Variants in FASN observed in about 807,000 individuals in gnomAD.
FASN encodes fatty acid synthase.
FASN carries 50 observed loss-of-function variants against 250.0 expected under a neutral mutation model. The ratio of observed to expected loss-of-function variants is 0.20; its 90% confidence interval spans 0.16 to 0.25. FASN has a LOEUF of 0.25. Ranked by LOEUF, FASN falls within the 10% of genes least tolerant of loss-of-function variation. The probability of loss-of-function intolerance (pLI) is 1.00; values close to 1 mark genes in which losing one functional copy is unlikely to be tolerated. For missense variants in FASN, 3,031 were observed against 3,498.5 expected, an observed-to-expected ratio of 0.87 and a Z score of 3.37; for synonymous variants, 1,909 against 1,584.0, an observed-to-expected ratio of 1.21 and a Z score of -4.87.
chr17:82,084,690 C>T lies in FASN; in HGVS notation c.4591G>A (p.Ala1531Thr), dbSNP rs369498235. 1 of 1,573,930 alleles carries T rather than the reference C, an allele frequency of 6.4e-7. No homozygotes were observed. Among genetic ancestry groups the T allele is most frequent in the South Asian group, 1.2e-5 (1 of 86,392 alleles). The change falls in exon 27 of 43, where the codon GCC becomes ACC. Residue 1531 changes from alanine to threonine, a missense_variant. Ala to Thr is a moderately conservative substitution (Grantham distance 58). Transcript: ENST00000306749. ...CCCCGGGTGAGGGTGCTCACAAAGG[C>T]ATGTGCCGTCGGCTCCTCAGGCTTG... The part of the protein sequence containing the change: ...EDKPEEPTAH[A>T]FVSTLTRGDL...
At position 82,085,290 on chromosome 17, in the gene FASN, G is replaced by A. The variant is rs1174469156; in HGVS notation, c.4235C>T (p.Pro1412Leu). The A allele has an allele frequency of 6.2e-7, 1 of 1,611,472 alleles. No individual in the cohort carries two copies. Among genetic ancestry groups the A allele is most frequent in the Non-Finnish European group, 8.5e-7 (1 of 1,179,514 alleles). Residue 1412 changes from proline (P) to leucine (L), a missense_variant, in exon 24 of 43, where the codon CCC becomes CTC. Physicochemically the swap from Pro to Leu is moderately conservative, Grantham distance 98 (BLOSUM62 -3). Coordinates refer to ENST00000306749, the MANE Select transcript of FASN (RefSeq NM_004104.5). ...LCRRPTPQDS[P>L]IFLPVDDTSF... ...GGTATCGTCCACCGGCAGGAAGATG[G>A]GGCTGTCCTGCGGGGTGGGCCGGCG...
Position 82,091,456 on chromosome 17 carries a change from G to C in FASN, c.1258C>G (p.Leu420Val). 6.2e-7 allele frequency: 1 copy of C among 1,607,504 alleles called. No individual in the cohort carries two copies. The highest frequency in any genetic ancestry group is 2.2e-5 in the East Asian group (1 of 44,652). ...CCGCTGGCCCGCAGCAGACGGGGCAGGGTGGCATGTGGGGCGGGTGCGGGG... is the reference window on the plus strand; with the variant it reads ...CCGCTGGCCCGCAGCAGACGGGGCACGGTGGCATGTGGGGCGGGTGCGGGG... ...PPPAPAPHAT[L>V]PRLLRASGRT... is the part of the protein sequence containing the mutation. Residue 420 changes from leucine to valine, a missense_variant, in exon 9 of 43, where the codon CTG becomes GTG. By Grantham distance (32) the Leu-to-Val change is conservative. Coordinates refer to ENST00000306749, the MANE Select transcript of FASN (RefSeq NM_004104.5).
chr17:82,084,631 C>T lies in FASN; in HGVS notation c.4650G>A (p.Ser1550=), dbSNP rs779703690. 2.2e-5 allele frequency: 35 copies of T among 1,603,012 alleles called. No homozygotes were observed. The highest frequency in any genetic ancestry group is 1.6e-4 in the East Asian group (7 of 44,518). ...DLSSIRWVCS[S]LRHAQPTCPG... Reference sequence around the variant, plus strand: ...GGCAGGTGGGCTGGGCATGGCGCAGCGAGGAGCAGACCCAGCGGATGGAGG... The same window carrying T: ...GGCAGGTGGGCTGGGCATGGCGCAGTGAGGAGCAGACCCAGCGGATGGAGG... Residue 1550 remains serine, a synonymous_variant, in exon 27 of 43, where the codon TCG becomes TCA. Coordinates refer to ENST00000306749, the MANE Select transcript of FASN (RefSeq NM_004104.5).
Position 82,081,593 on chromosome 17 carries a change from G to A in FASN, c.6406+8C>T, listed in dbSNP as rs1288173687. 5.6e-6 allele frequency: 9 copies of A among 1,611,990 alleles called. No individual in the cohort carries two copies. In the African/African-American group the frequency reaches 6.7e-5, roughly 12 times the overall value. ...ACACCTGGCGCGGCTCCTACTGGGAGTGCTCACCCAGGATGTGTGCCACGG... is the reference window on the plus strand; with the variant it reads ...ACACCTGGCGCGGCTCCTACTGGGAATGCTCACCCAGGATGTGTGCCACGG... On this transcript the variant is annotated splice_region_variant and intron_variant, in intron 37 of 42. Transcript: ENST00000306749.
intron 18 of FASN, 46 bp downstream of exon 18, chr17:82,087,908 C>T (rs765623470): frequency 6.2e-7 from 1 of 1,612,256 alleles, no homozygotes; most frequent in Non-Finnish European, 8.5e-7. Flanking sequence ...GCGGCATGGC[C>T]AGCGGGCACA....
intron 38 of FASN, 51 bp downstream of exon 38, chr17:82,081,113 A>AGG (rs2033979431): frequency 6.5e-7 from 1 of 1,532,858 alleles, no homozygotes. Flanking sequence ...ACAAGGAGGA[A>AGG]GGGCTGGGGA....
chr17:82,094,434 C>A (rs1413211320), intron 3 of FASN, among the ~76,000 whole-genome samples: 1 of 151,744 alleles, frequency 6.6e-6, no homozygotes, highest in Non-Finnish European at 1.5e-5. Flanking sequence ...CCAAGGGCAG[C>A]CCAGGGCTCA....
At chr17:82,096,171 C>T in intron 2 of FASN, 148 bp downstream of exon 2, 2 of 1,300,672 alleles carry the variant, frequency 1.5e-6, no homozygotes, top group Non-Finnish European at 2.2e-6. Context: ...AGGCCTCGCC[C>T]ATGGGTGACC....
Position 82,089,644 on chromosome 17 carries a change from G to T in FASN, c.1953C>A (p.Ile651=), listed in dbSNP as rs1363394702. 4 of 1,602,482 alleles carry T rather than the reference G, an allele frequency of 2.5e-6. No homozygotes were observed. ...CCGCAGCACCCACCTGAGGTCCCGA[G>T]ATGGTGACTGTGTCCTTGGAGTTGT... ...ACHNSKDTVT[I]SGPQAPVFEF... The change falls in exon 12 of 43, where the codon ATC becomes ATA. Residue 651 remains isoleucine, a synonymous_variant. Transcript: ENST00000306749.
intron 42 of FASN, 27 bp from the exon 43 acceptor site, chr17:82,079,307 C>A (rs1048551443): frequency 1.9e-6 from 3 of 1,612,908 alleles, no homozygotes; most frequent in Non-Finnish European, 2.5e-6. Context: ...CAGCTGCCGT[C>A]CCACCCCACT....
In FASN at chr17:82,090,947, G is replaced by A; in HGVS notation, c.1615C>T (p.Leu539=). The A allele has an allele frequency of 6.2e-7, 1 of 1,612,754 alleles. No homozygotes were observed. ...PFGLKVSQLL[L]STDESTFDDI... is the part of the protein sequence containing the mutation. Reference sequence around the variant, plus strand: ...TCAAAGGTGCTCTCGTCTGTGCTCAGCAGCAGCTGTGACACCTTCAGGCCG... The same window carrying A: ...TCAAAGGTGCTCTCGTCTGTGCTCAACAGCAGCTGTGACACCTTCAGGCCG... The change falls in exon 10 of 43, where the codon CTG becomes TTG. Residue 539 remains leucine (L), a synonymous_variant. Coordinates refer to ENST00000306749, the MANE Select transcript of FASN (RefSeq NM_004104.5).
intron 41 of FASN, 194 bp from the exon 42 acceptor site, chr17:82,079,802 C>T (rs1451386012): frequency 1.3e-6 from 1 of 765,116 alleles, no homozygotes; most frequent in Non-Finnish European, 2.1e-6. Context: ...TCCGCAACCT[C>T]CACCTACCCG....
At chr17:82,091,800 G>A (rs547354540) in intron 8 of FASN, 116 bp from the exon 9 acceptor site, 5 of 940,948 alleles carry the variant, frequency 5.3e-6, no homozygotes, top group East Asian at 2.6e-5. Context: ...GGCCCTCTCC[G>A]ATGCACTTCC....
At position 82,083,837 on chromosome 17, in the gene FASN, G is replaced by A. The variant is rs757842815; in HGVS notation, c.5153C>T (p.Thr1718Ile). 4.5e-5 allele frequency: 72 copies of A among 1,601,658 alleles called. No individual in the cohort carries two copies. Among genetic ancestry groups the A allele is most frequent in the Non-Finnish European group, 5.8e-5 (68 of 1,175,306 alleles). ...LQARFPQLDSTSFANSRDTSF... is the reference protein window; with the variant it reads ...LQARFPQLDSISFANSRDTSF... Reference sequence around the variant, plus strand: ...TGTGTCCCGGGAGTTGGCGAAGCTGGTGCTGTCGAGCTGGGGGAACCTGGC... The same window carrying A: ...TGTGTCCCGGGAGTTGGCGAAGCTGATGCTGTCGAGCTGGGGGAACCTGGC... The change falls in exon 30 of 43, where the codon ACC (threonine) becomes ATC (isoleucine). Residue 1718 changes from threonine to isoleucine, a missense_variant. By Grantham distance (89) the Thr-to-Ile change is moderately conservative. Transcript: ENST00000306749.
In FASN at chr17:82,091,242, G is replaced by A. The variant is rs769395951; in HGVS notation, c.1472C>T (p.Pro491Leu). 2.4e-5 allele frequency: 39 copies of A among 1,600,344 alleles called. No homozygotes were observed. Among genetic ancestry groups the A allele is most frequent in the African/African-American group, 4.0e-5 (3 of 74,778 alleles). ...CTCACCAGAGCAGATGAACCAGAGCGGGCGCTCGCCAGCGGGCACCTGCTG... is the reference window on the plus strand; with the variant it reads ...CTCACCAGAGCAGATGAACCAGAGCAGGCGCTCGCCAGCGGGCACCTGCTG... ...EVQQVPAGER[P>L]LWFICSGMGT... is the part of the protein sequence containing the mutation. Residue 491 changes from proline (P) to leucine (L), a missense_variant, in exon 9 of 43, where the codon CCG (proline) becomes CTG (leucine). By Grantham distance (98) the Pro-to-Leu change is moderately conservative (BLOSUM62 -3). Coordinates refer to ENST00000306749, the MANE Select transcript of FASN (RefSeq NM_004104.5).
Position 82,095,458 on chromosome 17 carries a change from G to A in FASN, c.142C>T (p.Pro48Ser). 1 of 1,612,464 alleles carries A rather than the reference G, an allele frequency of 6.2e-7. No individual in the cohort carries two copies. The highest frequency in any genetic ancestry group is 8.5e-7 in the Non-Finnish European group (1 of 1,179,994). ...TCCTTCAGCTTGCCGGACCGCCGGGGCAGGCCGTAGAGCCCTGTGGGACAG... is the reference window on the plus strand; with the variant it reads ...TCCTTCAGCTTGCCGGACCGCCGGGACAGGCCGTAGAGCCCTGTGGGACAG... ...RRWKAGLYGL[P>S]RRSGKLKDLS... The change falls in exon 3 of 43, where the codon CCC (proline) becomes TCC (serine). Residue 48 changes from proline (P) to serine (S), a missense_variant. Pro to Ser is a moderately conservative substitution (Grantham distance 74). Transcript: ENST00000306749.
At chr17:82,089,956 G>A (rs1048977274) in intron 11 of FASN, among the ~76,000 whole-genome samples, 1 of 152,206 alleles carries the variant, frequency 6.6e-6, no homozygotes, top group African/African-American at 2.4e-5. Flanking sequence ...TCCCCAGATG[G>A]TGGCCCCCTC....
In FASN at chr17:82,090,992, C is replaced by T. The variant is rs147394389; in HGVS notation, c.1570G>A (p.Asp524Asn). 3.1e-5 allele frequency: 50 copies of T among 1,612,896 alleles called. No individual in the cohort carries two copies. Among genetic ancestry groups the T allele is most frequent in the African/African-American group, 9.3e-5 (7 of 75,052 alleles). The change falls in exon 10 of 43, where the codon GAT becomes AAT. Residue 524 changes from aspartate to asparagine, a missense_variant. Physicochemically the swap from Asp to Asn is conservative, Grantham distance 23. Transcript: ENST00000306749. ...DRFRDSILRS[D>N]EAVKPFGLKV... ...AGGCCGAATGGCTTCACAGCCTCAT[C>T]GGAGCGTAGGATGGAATCTCGGAAG... is the stretch of plus-strand genomic sequence containing the variant.
rs142332280 is a variant in FASN at position 82,087,089 on chromosome 17, C to T, written c.3388G>A (p.Glu1130Lys). ...AGCTCCTCCTGCAGGGCAGCGCGCT[C>T]AGACAGGCACCCCTCCTCCGTGTGG... ...TPHTEEGCLS[E>K]RAALQEELQL... The change falls in exon 21 of 43, where the codon GAG becomes AAG. Residue 1130 changes from glutamate (E) to lysine (K), a missense_variant. Transcript: ENST00000306749. 335 of 1,611,794 alleles carry T rather than the reference C, an allele frequency of 2.1e-4. No individual in the cohort carries two copies. The African/African-American group carries it at 3.8e-3, about 18-fold the overall frequency.
Sources: gnomAD v4.1 joint callset for allele counts (sites outside exome capture counted in the v4.1 genomes callset) on GRCh38, gnomAD v4.1.1 for gene constraint, MANE v1.5 for transcripts, NCBI Gene and HGNC (gene_info 2026-07-23, HGNC 2026-07-21) for gene names.